Variants in TPRG1 observed in about 807,000 individuals in gnomAD.
TPRG1 encodes the protein tumor protein p63-regulated gene 1 protein.
TPRG1 carries 29 observed loss-of-function variants against 29.3 expected under a neutral mutation model. That is an observed-to-expected ratio of 0.99 (90% CI 0.74 to 1.35). The LOEUF (loss-of-function observed/expected upper bound fraction) is 1.35, where lower values mean the gene tolerates loss of function less well. Ranked by LOEUF, TPRG1 falls within the 40% of genes most tolerant of loss-of-function variation. The probability of loss-of-function intolerance (pLI) is 0.00; values close to 1 mark genes in which losing one functional copy is unlikely to be tolerated. For synonymous variants in TPRG1, 130 were observed against 116.8 expected, an observed-to-expected ratio of 1.11 and a Z score of -0.73; for missense variants, 327 against 335.0, an observed-to-expected ratio of 0.98 and a Z score of 0.19.
intron 4 of TPRG1, among the ~76,000 whole-genome samples, chr3:189,082,810 C>T (rs1326306835): frequency 6.6e-6 from 1 of 152,088 alleles, no homozygotes; most frequent in Non-Finnish European, 1.5e-5. Context: ...CCAAGCATAG[C>T]GGAATATTTG....
chr3:189,077,803 T>A (rs1338452602), intron 4 of TPRG1, among the ~76,000 whole-genome samples: 1 of 152,192 alleles, frequency 6.6e-6, no homozygotes, highest in Non-Finnish European at 1.5e-5. Flanking sequence ...TTACCAGATA[T>A]TTTCTTTTAG....
chr3:189,272,702 TTTCTTTCTTTC>T (rs1273036605), intron 4 of TPRG1, among the ~76,000 whole-genome samples: 16 of 139,594 alleles, frequency 1.1e-4, no homozygotes, highest in African/African-American at 4.6e-4. Context: ...TTTCTCTTTC[TTTCTTTCTTTC>T]TCCTTCCTTC....
At chr3:189,266,106 G>A (rs942000677) in intron 4 of TPRG1, among the ~76,000 whole-genome samples, 7 of 152,072 alleles carry the variant, frequency 4.6e-5, no homozygotes, top group Admixed American at 4.6e-4. Context: ...TCACTTAATG[G>A]CTTTGCTACC....
chr3:189,138,887 T>C (rs1724137215), intron 3 of TPRG1, among the ~76,000 whole-genome samples: 1 of 152,072 alleles, frequency 6.6e-6, no homozygotes, highest in Admixed American at 6.6e-5. Context: ...CAGGGAGGGC[T>C]CTAGGTGAAA....
At chr3:189,160,218 C>T (rs1727286761) in intron 5 of TPRG1, among the ~76,000 whole-genome samples, 1 of 152,114 alleles carries the variant, frequency 6.6e-6, no homozygotes, top group Admixed American at 6.5e-5. Context: ...GAAAAGATCC[C>T]AGTCAATTGG....
intron 1 of TPRG1, among the ~76,000 whole-genome samples, chr3:189,117,345 C>T (rs144421811): frequency 1.3e-5 from 2 of 152,314 alleles, no homozygotes; most frequent in South Asian, 2.1e-4. Context: ...AGCACCTTTC[C>T]ACCACCTGTT....
At chr3:189,003,206 G>A (rs1291984183) in intron 2 of TPRG1, among the ~76,000 whole-genome samples, 8 of 152,184 alleles carry the variant, frequency 5.3e-5, no homozygotes, top group South Asian at 2.1e-4. Flanking sequence ...TCAGGTAGTC[G>A]CACAGAGAGG....
At chr3:189,011,274 A>C (rs1209225444) in intron 3 of TPRG1, among the ~76,000 whole-genome samples, 1 of 152,104 alleles carries the variant, frequency 6.6e-6, no homozygotes. Flanking sequence ...TGAATTTTAA[A>C]ACAGTTTTTC....
chr3:189,062,291 T>C (rs932153887), intron 4 of TPRG1, among the ~76,000 whole-genome samples: 1 of 152,026 alleles, frequency 6.6e-6, no homozygotes, highest in African/African-American at 2.4e-5. Flanking sequence ...TACTTGAGGG[T>C]AGAGGACTGA....
rs1179062101 is a variant in TPRG1, at chr3:189,001,789, CT to C, written c.-878+880del. ...TCATGGAAATGAGCTCCATGACTCACTTCTTTGACTTCCATGACTCAAGATA... is the reference window on the plus strand; with the variant it reads ...TCATGGAAATGAGCTCCATGACTCACTCTTTGACTTCCATGACTCAAGATA... On this transcript the variant is annotated intron_variant, in intron 2 of 10. Transcript: ENST00000433971. 3.3e-5 allele frequency among the ~76,000 whole-genome samples: 5 copies of C among 152,198 alleles called. No homozygotes were observed. In the East Asian group the frequency reaches 9.7e-4, roughly 29 times the overall value.
intron 1 of TPRG1, among the ~76,000 whole-genome samples, chr3:189,177,463 CA>C (rs1729636869): frequency 6.7e-6 from 1 of 150,362 alleles, no homozygotes; most frequent in African/African-American, 2.4e-5. Context: ...TTTATATATG[CA>C]TATACTTATA....
chr3:189,312,327 G>A (rs1020777304), intron 5 of TPRG1, among the ~76,000 whole-genome samples: 6 of 151,322 alleles, frequency 4.0e-5, no homozygotes, highest in South Asian at 2.1e-4. Flanking sequence ...TCAGCCTCCG[G>A]AGTAGCTGGG....
intron 2 of TPRG1, among the ~76,000 whole-genome samples, chr3:189,131,167 A>G (rs1375244649): frequency 2.0e-5 from 3 of 152,162 alleles, no homozygotes; most frequent in South Asian, 2.1e-4. Flanking sequence ...ATTATGTAGT[A>G]ATTTCACTGA....
intron 4 of TPRG1, among the ~76,000 whole-genome samples, chr3:189,085,431 G>A (rs1717865359): frequency 7.1e-6 from 1 of 141,772 alleles, no homozygotes; most frequent in South Asian, 2.2e-4. Flanking sequence ...GATTCCTCGT[G>A]TCTGTGTGTG....
At chr3:189,198,820 A>G (rs1461228086) in intron 1 of TPRG1, among the ~76,000 whole-genome samples, 1 of 152,232 alleles carries the variant, frequency 6.6e-6, no homozygotes, top group Non-Finnish European at 1.5e-5. Context: ...AAGTGCTCTC[A>G]TAACCCAGAC....
At chr3:189,245,760 G>A (rs1741289163) in intron 4 of TPRG1, among the ~76,000 whole-genome samples, 1 of 151,876 alleles carries the variant, frequency 6.6e-6, no homozygotes, top group South Asian at 2.1e-4. Context: ...GTTACTGAGT[G>A]GAGTGCAAAA....
At chr3:189,289,599 G>T (rs1038946647) in intron 4 of TPRG1, among the ~76,000 whole-genome samples, 1 of 152,122 alleles carries the variant, frequency 6.6e-6, no homozygotes, top group Non-Finnish European at 1.5e-5. Context: ...AAATGGGGAT[G>T]ATGATAGTTT....
At chr3:189,295,223 C>T (rs1719695928) in intron 4 of TPRG1, among the ~76,000 whole-genome samples, 1 of 152,156 alleles carries the variant, frequency 6.6e-6, no homozygotes, top group Admixed American at 6.5e-5. Flanking sequence ...TCAGTTTTCT[C>T]CTGTCTTTCT....
intron 4 of TPRG1, among the ~76,000 whole-genome samples, chr3:189,305,606 T>C (rs1211890745): frequency 6.6e-6 from 1 of 152,236 alleles, no homozygotes; most frequent in Non-Finnish European, 1.5e-5. Context: ...TCTGGTCTTC[T>C]ATCCTGCCAA....
Sources: allele counts gnomAD v4.1 joint callset (sites outside exome capture counted in the v4.1 genomes callset), GRCh38; gene constraint gnomAD v4.1.1; transcripts MANE v1.5; gene names NCBI Gene and HGNC (gene_info 2026-07-23, HGNC 2026-07-21).